Variants in ZNF276 observed in about 807,000 individuals in gnomAD.
The protein encoded by ZNF276 is zinc finger protein 276, also known as centromere protein Z.
A neutral mutation model predicts 63.9 loss-of-function variants in ZNF276; 59 were observed. The ratio of observed to expected loss-of-function variants is 0.92; its 90% CI spans 0.75 to 1.15. ZNF276 has a LOEUF of 1.15. Among genes scored for constraint, ZNF276 ranks in the 50% most tolerant of loss-of-function variants. The probability of loss-of-function intolerance (pLI) is 0.00; values close to 1 mark genes in which losing one functional copy is unlikely to be tolerated. For missense variants in ZNF276, 1,084 were observed against 843.8 expected (o/e 1.28, Z -3.53); for synonymous variants, 496 against 348.4 (o/e 1.42, Z -4.72).
intron 6 of ZNF276, among the ~76,000 whole-genome samples, chr16:89,729,557 CT>C (rs1246811708): frequency 8.5e-5 from 13 of 152,210 alleles, no homozygotes; most frequent in African/African-American, 3.1e-4. Context: ...CACTGTGAGG[CT>C]GCCTCAGAGT....
upstream of ZNF276, chr16:89,720,710 G>A (rs1480517922): frequency 3.0e-6 from 4 of 1,347,248 alleles, no homozygotes; most frequent in Non-Finnish European, 3.8e-6. Flanking sequence ...CCGGGCGGGG[G>A]TCCCTCCAGG....
At position 89,740,823 on chromosome 16, in the gene ZNF276, G is replaced by A. The variant is rs752800577; in HGVS notation, c.*2577G>A. On this transcript the variant is annotated 3_prime_UTR_variant, in exon 11 of 11. Transcript: ENST00000443381. ...ACTTACATTTGAGGTCAGATGTGACGACAGCAGGCCCATCAAGGAGAAGAA... is the reference window on the plus strand; with the variant it reads ...ACTTACATTTGAGGTCAGATGTGACAACAGCAGGCCCATCAAGGAGAAGAA... The A allele has an allele frequency of 5.6e-6, 9 of 1,613,518 alleles. No homozygotes were observed. The highest frequency in any genetic ancestry group is 1.6e-4 in the Middle Eastern group (1 of 6,084).
Position 89,740,846 on chromosome 16 carries a change from GAAGAA to G in ZNF276, c.*2604_*2608del. On this transcript the variant is annotated 3_prime_UTR_variant, in exon 11 of 11. Coordinates refer to ENST00000443381, the MANE Select transcript of ZNF276 (RefSeq NM_001113525.2). ...ACGACAGCAGGCCCATCAAGGAGAAGAAGAAAAGGAAAACCAATAGCTGTAAATAA... is the reference window on the plus strand; with the variant it reads ...ACGACAGCAGGCCCATCAAGGAGAAGAAGGAAAACCAATAGCTGTAAATAA... 6.2e-7 allele frequency: 1 copy of G among 1,613,420 alleles called. No individual in the cohort carries two copies. Among genetic ancestry groups the G allele is most frequent in the Non-Finnish European group, 8.5e-7 (1 of 1,179,612 alleles).
At position 89,740,746 on chromosome 16, in the gene ZNF276, G is replaced by A; in HGVS notation, c.*2500G>A. The A allele has an allele frequency of 6.8e-7, 1 of 1,477,224 alleles. No homozygotes were observed. Among genetic ancestry groups the A allele is most frequent in the Non-Finnish European group, 9.4e-7 (1 of 1,060,880 alleles). The allele number at this position is 1,477,224 out of a possible 1,614,324, so 91.5% of individuals were successfully genotyped here. ...CCCTGACTTGGAAGCTGGCTGCCTGGTGCCCCTGCCTGGCCCACAGTGGGA... is the reference window on the plus strand; with the variant it reads ...CCCTGACTTGGAAGCTGGCTGCCTGATGCCCCTGCCTGGCCCACAGTGGGA... On this transcript the variant is annotated 3_prime_UTR_variant, in exon 11 of 11. Transcript: ENST00000443381.
chr16:89,733,646 C>A, intron 8 of ZNF276, 89 bp downstream of exon 8: 1 of 1,491,448 alleles, frequency 6.7e-7, no homozygotes. Flanking sequence ...CTAACTCAGA[C>A]TTGCGCCCAA....
intron 6 of ZNF276, chr16:89,732,824 ACCCTG>A (rs2061707626): frequency 5.7e-6 from 1 of 176,706 alleles, no homozygotes. Context: ...TGTTCACCTG[ACCCTG>A]CTGTGTCCTG....
rs745958661 is a variant in ZNF276, at chr16:89,738,900, G to A, written c.*654G>A. On this transcript the variant is annotated 3_prime_UTR_variant, in exon 11 of 11. Transcript: ENST00000443381. ...ACGTTACCTCTGCCACGTGTGAGAA[G>A]CTCTTTTTCGGGCACCGAGGTATTA... 1 of 1,614,140 alleles carries A rather than the reference G, an allele frequency of 6.2e-7. No individual in the cohort carries two copies. The highest frequency in any genetic ancestry group is 1.7e-5 in the Admixed American group (1 of 60,008).
intron 4 of ZNF276, among the ~76,000 whole-genome samples, chr16:89,726,558 C>G (rs933384282): frequency 2.6e-5 from 4 of 152,134 alleles, no homozygotes; most frequent in African/African-American, 7.2e-5. Flanking sequence ...GTCTTGATCT[C>G]CTGACCTTGT....
Position 89,729,137 on chromosome 16 carries a change from A to G in ZNF276, c.1086-98A>G. ...ATTTTCAGAAGAACTCAAATGTGGG[A>G]CATGGGGGTCCATTTGGTATCTTTA... On this transcript the variant is annotated intron_variant, in intron 5 of 10. Coordinates refer to ENST00000443381, the MANE Select transcript of ZNF276 (RefSeq NM_001113525.2). The G allele has an allele frequency of 8.5e-6, 8 of 944,792 alleles. No homozygotes were observed. The South Asian group carries it at 1.1e-4, about 13-fold the overall frequency. The allele number at this position is 944,792 out of a possible 1,614,324, so 58.5% of individuals were successfully genotyped here. A position where few individuals can be genotyped will look rare whatever the true frequency, so the allele number is the denominator to read the frequency against.
At chr16:89,728,225 T>C (rs1028725996) in intron 5 of ZNF276, among the ~76,000 whole-genome samples, 3 of 149,960 alleles carry the variant, frequency 2.0e-5, no homozygotes, top group Non-Finnish European at 4.5e-5. Context: ...TTTTTTTCCT[T>C]TTGTGAACTT....
upstream of ZNF276, chr16:89,721,476 CGCCCCTG>C (rs146063298): frequency 2.5e-4 from 151 of 599,982 alleles, no homozygotes; most frequent in Non-Finnish European, 3.5e-4. Context: ...GGCGGGGTCC[CGCCCCTG>C]GCCCCTGGCC....
chr16:89,723,835 G>T (rs34969860), intron 4 of ZNF276, 126 bp downstream of exon 4: 2 of 1,078,020 alleles, frequency 1.9e-6, no homozygotes, highest in Non-Finnish European at 2.6e-6. Context: ...AGAAGGAGCA[G>T]AGCTTGGGGC....
At chr16:89,732,327 C>T (rs2061680953) in intron 6 of ZNF276, 1 of 152,334 alleles carries the variant, frequency 6.6e-6, no homozygotes, top group Admixed American at 6.5e-5. Flanking sequence ...AGGCTGGGCT[C>T]CCTGCAGTGG....
chr16:89,733,245 A>C, intron 6 of ZNF276, 57 bp from the exon 7 acceptor site: 2 of 1,523,712 alleles, frequency 1.3e-6, no homozygotes, highest in Non-Finnish European at 1.8e-6. Flanking sequence ...GAGAGACAAA[A>C]AACATTTTGC....
rs2061337605 is a variant in ZNF276, at chr16:89,722,757, C to G, written c.432C>G (p.Tyr144Ter). 6.2e-7 allele frequency: 1 copy of G among 1,611,044 alleles called. No homozygotes were observed. Among genetic ancestry groups the G allele is most frequent in the African/African-American group, 1.3e-5 (1 of 74,962 alleles). Residue 144 changes from tyrosine (Y) to a stop codon, truncating the protein, a stop_gained, in exon 2 of 11, where the codon TAC becomes TAG. Transcript: ENST00000443381. LOFTEE classifies it high-confidence loss of function. ...FVCKSCHAQF[Y>*]QCHSLLKSFL... ...GCAAGAGCTGCCACGCCCAGTTCTA[C>G]CAGTGCCACAGCCTTCTCAAGTCCT...
At chr16:89,733,203 G>A in intron 6 of ZNF276, 99 bp from the exon 7 acceptor site, 2 of 1,139,298 alleles carry the variant, frequency 1.8e-6, no homozygotes, top group East Asian at 2.4e-5. Flanking sequence ...AGCAACTCAG[G>A]GAAGCTTCAG....
At chr16:89,726,429 T>TA (rs1320943242) in intron 4 of ZNF276, among the ~76,000 whole-genome samples, 2 of 152,262 alleles carry the variant, frequency 1.3e-5, no homozygotes, top group African/African-American at 4.8e-5. Flanking sequence ...CCTCCCGACT[T>TA]CAGGTGATCC....
At chr16:89,737,748 G>T in intron 9 of ZNF276, 58 bp from the exon 10 acceptor site, 2 of 1,606,710 alleles carry the variant, frequency 1.2e-6, no homozygotes, top group African/African-American at 2.7e-5. Flanking sequence ...TGTCATCGTC[G>T]TCCCCCCGGG....
chr16:89,727,065 G>T (rs112341340), intron 4 of ZNF276, among the ~76,000 whole-genome samples: 1 of 152,210 alleles, frequency 6.6e-6, no homozygotes, highest in African/African-American at 2.4e-5. Flanking sequence ...TCTGATGCTT[G>T]TTGCTGCCTG....
Sources: gnomAD v4.1 joint callset for allele counts (sites outside exome capture counted in the v4.1 genomes callset) on GRCh38, gnomAD v4.1.1 for gene constraint, MANE v1.5 for transcripts, NCBI Gene and HGNC (gene_info 2026-07-23, HGNC 2026-07-21) for gene names.